The following REC114 variants were observed in gnomAD, a reference collection of about 807,000 sequenced individuals.
The protein encoded by REC114 is REC114 meiotic recombination protein, also known as meiotic recombination protein REC114.
REC114 carries 27 observed loss-of-function variants against 31.3 expected under a neutral mutation model. That is an observed-to-expected ratio of 0.86 (90% CI 0.64 to 1.19). REC114 has a LOEUF of 1.19. Ranked by LOEUF, REC114 falls within the 50% of genes most tolerant of loss-of-function variation. The pLI, the probability that REC114 is intolerant of heterozygous loss-of-function variation, is 0.00. For synonymous variants in REC114, 134 were observed against 127.7 expected, an observed-to-expected ratio of 1.05 and a Z score of -0.33; for missense variants, 344 against 326.9, an observed-to-expected ratio of 1.05 and a Z score of -0.40.
intron 3 of REC114, among the ~76,000 whole-genome samples, chr15:73,550,442 C>T (rs1894371402): frequency 6.6e-6 from 1 of 152,144 alleles, no homozygotes; most frequent in South Asian, 2.1e-4. Flanking sequence ...AGCATGAGAT[C>T]TATTAGCTTT....
intron 2 of REC114, among the ~76,000 whole-genome samples, chr15:73,514,092 G>A (rs1291808769): frequency 2.0e-5 from 3 of 152,154 alleles, no homozygotes; most frequent in African/African-American, 7.2e-5. Flanking sequence ...CTAGCAATCA[G>A]CGAGACTCCG....
intron 4 of REC114, among the ~76,000 whole-genome samples, chr15:73,553,249 G>A (rs892899482): frequency 2.6e-5 from 4 of 152,234 alleles, no homozygotes; most frequent in African/African-American, 7.2e-5. Context: ...AACAGATTTT[G>A]GTGTTTTCCT....
intron 4 of REC114, among the ~76,000 whole-genome samples, chr15:73,552,110 T>C (rs927079731): frequency 6.6e-6 from 1 of 152,244 alleles, no homozygotes; most frequent in African/African-American, 2.4e-5. Context: ...GGCTAAAAGA[T>C]TGTAATATAA....
chr15:73,550,542 T>G (rs1464411465), intron 3 of REC114, among the ~76,000 whole-genome samples: 4 of 152,224 alleles, frequency 2.6e-5, no homozygotes, highest in Non-Finnish European at 5.9e-5. Context: ...TTACTCAGTT[T>G]AGAAAAGTTT....
chr15:73,464,620 T>C (rs1385855607), intron 1 of REC114, among the ~76,000 whole-genome samples: 1 of 152,028 alleles, frequency 6.6e-6, no homozygotes. Context: ...AAGGATTGAG[T>C]TAAGTTGGCC....
Position 73,556,321 on chromosome 15 carries a change from A to G in REC114, c.566A>G (p.Gln189Arg). The change falls in exon 5 of 6, where the codon CAA (glutamine) becomes CGA (arginine). Residue 189 changes from glutamine to arginine, a missense_variant. Gln to Arg is a conservative substitution (Grantham distance 43). Coordinates refer to ENST00000331090, the MANE Select transcript of REC114 (RefSeq NM_001042367.2). ...TTCCAGTCCCACCAGCACTCAGAAC[A>G]ACAGCAAGTGTGTGTAACAGCGGGC... is the stretch of plus-strand genomic sequence containing the variant. ...RQPGSHQHSE[Q>R]QQVCVTAGTG... 6.2e-7 allele frequency: 1 copy of G among 1,613,798 alleles called. No homozygotes were observed. The highest frequency in any genetic ancestry group is 8.5e-7 in the Non-Finnish European group (1 of 1,179,754).
At chr15:73,446,703 T>G (rs1418549187) in intron 1 of REC114, among the ~76,000 whole-genome samples, 1 of 151,678 alleles carries the variant, frequency 6.6e-6, no homozygotes, top group Non-Finnish European at 1.5e-5. Context: ...AACCTCAGCA[T>G]GTAATGTATA....
intron 1 of REC114, among the ~76,000 whole-genome samples, chr15:73,445,190 G>A (rs1892748878): frequency 6.6e-6 from 1 of 152,182 alleles, no homozygotes; most frequent in Non-Finnish European, 1.5e-5. Context: ...AGTGGGATTA[G>A]CCCCTAATGC....
intron 2 of REC114, among the ~76,000 whole-genome samples, chr15:73,504,854 A>T (rs554290126): frequency 2.0e-5 from 3 of 152,298 alleles, no homozygotes; most frequent in Admixed American, 6.5e-5. Context: ...GTTTAAAAAT[A>T]TAGATGTTTT....
chr15:73,452,909 T>C lies in REC114; in HGVS notation c.159+9565T>C, dbSNP rs996060534. Among the ~76,000 whole-genome samples, 172 of 152,184 alleles carry C rather than the reference T, an allele frequency of 1.1e-3. 3 individuals are homozygous for C. In the Middle Eastern group the frequency reaches 0.014, roughly 12 times the overall value. On this transcript the variant is annotated intron_variant, in intron 1 of 5. Transcript: ENST00000331090. ...AGGATTCCCTATTTAATAAATGGTGTTGGGAAAACTGGCTAGCCATATGCA... is the reference window on the plus strand; with the variant it reads ...AGGATTCCCTATTTAATAAATGGTGCTGGGAAAACTGGCTAGCCATATGCA...
intron 1 of REC114, among the ~76,000 whole-genome samples, chr15:73,457,446 T>C (rs1567849515): frequency 1.3e-5 from 2 of 152,170 alleles, no homozygotes; most frequent in African/African-American, 4.8e-5. Context: ...TGTTTTGTCT[T>C]GCAAACTGTA....
chr15:73,528,348 A>C (rs1894033203), intron 2 of REC114, among the ~76,000 whole-genome samples: 1 of 152,168 alleles, frequency 6.6e-6, no homozygotes, highest in South Asian at 2.1e-4. Context: ...AGAATAAAAA[A>C]CCATTATGTA....
intron 2 of REC114, among the ~76,000 whole-genome samples, chr15:73,538,343 T>C (rs192233237): frequency 1.2e-4 from 19 of 152,296 alleles, no homozygotes; most frequent in Non-Finnish European, 2.6e-4. Context: ...TTGTTCAGTG[T>C]TTTTTGATAT....
chr15:73,451,456 CAAT>C (rs571823961), intron 1 of REC114, among the ~76,000 whole-genome samples: 5 of 152,046 alleles, frequency 3.3e-5, no homozygotes, highest in Non-Finnish European at 7.4e-5. Flanking sequence ...CTGAATAGAC[CAAT>C]AATAAGTTCT....
intron 5 of REC114, among the ~76,000 whole-genome samples, chr15:73,557,438 AAAAG>A (rs1012192330): frequency 3.3e-5 from 5 of 151,792 alleles, no homozygotes; most frequent in African/African-American, 4.8e-5. Flanking sequence ...AAAAAAGAAA[AAAAG>A]GGTTTTCTCC....
chr15:73,541,670 G>T (rs931911407), intron 3 of REC114, among the ~76,000 whole-genome samples: 1 of 152,248 alleles, frequency 6.6e-6, no homozygotes, highest in African/African-American at 2.4e-5. Context: ...TAAGGAAATT[G>T]ACTTAAGCCA....
At chr15:73,503,394 A>C (rs1435722714) in intron 2 of REC114, among the ~76,000 whole-genome samples, 1 of 152,170 alleles carries the variant, frequency 6.6e-6, no homozygotes, top group African/African-American at 2.4e-5. Context: ...TACTTCAATA[A>C]ATCTGACTTA....
intron 3 of REC114, among the ~76,000 whole-genome samples, chr15:73,547,862 A>T (rs1894331449): frequency 6.6e-6 from 1 of 152,226 alleles, no homozygotes; most frequent in East Asian, 1.9e-4. Flanking sequence ...GGACACAGGC[A>T]CAGGCAAAGA....
chr15:73,466,018 A>AT (rs1360393632), intron 1 of REC114, among the ~76,000 whole-genome samples: 1 of 150,838 alleles, frequency 6.6e-6, no homozygotes, highest in African/African-American at 2.5e-5. Context: ...CGCCTGGCTA[A>AT]TTTTTTCATT....
Sources: gnomAD v4.1 joint callset for allele counts (sites outside exome capture counted in the v4.1 genomes callset) on GRCh38, gnomAD v4.1.1 for gene constraint, MANE v1.5 for transcripts, NCBI Gene and HGNC (gene_info 2026-07-23, HGNC 2026-07-21) for gene names.